OR5B2: variants seen among roughly 807,000 people sequenced by gnomAD.
OR5B2 encodes the protein olfactory receptor 5B2.
For missense variants in OR5B2, 411 were observed against 367.0 expected, an observed-to-expected ratio of 1.12 and a Z score of -0.98; for synonymous variants, 163 against 140.8, an observed-to-expected ratio of 1.16 and a Z score of -1.11.
intron 2 of OR5B2, among the ~76,000 whole-genome samples, chr11:58,424,977 T>A (rs372099935): frequency 1.3e-5 from 2 of 152,116 alleles, no homozygotes; most frequent in Non-Finnish European, 2.9e-5. Context: ...ATACAACTAG[T>A]ATGGAGAACA....
chr11:58,424,915 T>C (rs1446882619), intron 2 of OR5B2, among the ~76,000 whole-genome samples: 1 of 152,122 alleles, frequency 6.6e-6, no homozygotes, highest in Non-Finnish European at 1.5e-5. Context: ...TTATTACTAT[T>C]TTACCATTAT....
At position 58,423,188 on chromosome 11, in the gene OR5B2, A is replaced by G. The variant is rs778934194; in HGVS notation, c.74T>C (p.Leu25Pro). The change falls in exon 3 of 3, where the codon CTC becomes CCC. Residue 25 changes from leucine (L) to proline (P), a missense_variant. Coordinates refer to ENST00000641342, the MANE Select transcript of OR5B2 (RefSeq NM_001005566.3). Reference sequence around the variant, plus strand: ...GTAGATGAAGGTGAACAAGATAAAGAGGGGGATCTGTAGTTCTGGGACACT... The same window carrying G: ...GTAGATGAAGGTGAACAAGATAAAGGGGGGGATCTGTAGTTCTGGGACACT... Reference protein sequence around the residue: ...LTSVPELQIPLFILFTFIYLL... With the variant: ...LTSVPELQIPPFILFTFIYLL... 1.2e-6 allele frequency: 2 copies of G among 1,613,534 alleles called. No homozygotes were observed. Among genetic ancestry groups the G allele is most frequent in the Non-Finnish European group, 1.7e-6 (2 of 1,179,634 alleles).
intron 2 of OR5B2, among the ~76,000 whole-genome samples, chr11:58,426,353 AAT>A (rs748172278): frequency 2.3e-4 from 35 of 152,106 alleles, no homozygotes; most frequent in Non-Finnish European, 2.9e-5. Context: ...GATAGGCACC[AAT>A]GTCTGTTGCC....
At chr11:58,425,698 G>T (rs1855328887) in intron 2 of OR5B2, among the ~76,000 whole-genome samples, 2 of 152,068 alleles carry the variant, frequency 1.3e-5, no homozygotes, top group South Asian at 4.1e-4. Flanking sequence ...TGTTAGGAAT[G>T]ACCTTTAACA....
At position 58,422,102 on chromosome 11, in the gene OR5B2, G is replaced by T; in HGVS notation, c.*230C>A. ...AAACCGAATGTCATTAGTAAGTTTT[G>T]ACCAGCAAGTTCCAAAAATTCTAAC... On this transcript the variant is annotated 3_prime_UTR_variant, in exon 3 of 3. Transcript: ENST00000641342. 1 of 388,528 alleles carries T rather than the reference G, an allele frequency of 2.6e-6. No homozygotes were observed. Among genetic ancestry groups the T allele is most frequent in the East Asian group, 4.1e-5 (1 of 24,462 alleles). 24.1% of individuals were successfully genotyped at this position (388,528 alleles called of 1,614,324 possible). A position where few individuals can be genotyped will look rare whatever the true frequency, so the allele number is the denominator to read the frequency against.
chr11:58,425,003 T>A (rs534471878), intron 2 of OR5B2, among the ~76,000 whole-genome samples: 2 of 152,220 alleles, frequency 1.3e-5, no homozygotes, highest in African/African-American at 4.8e-5. Context: ...GATTCACAAT[T>A]GAAACCAAGT....
In OR5B2 at chr11:58,421,837, A is replaced by G. The variant is rs976150318; in HGVS notation, c.*495T>C. On this transcript the variant is annotated 3_prime_UTR_variant, in exon 3 of 3. Transcript: ENST00000641342. The stretch of plus-strand genomic sequence containing the variant: ...CCTCTCCATTTTGCTGTGAACATAA[A>G]ACTGTTCTTAAAGTCTATTCAAAAA... The G allele has an allele frequency of 7.2e-5, 11 of 152,678 alleles. No homozygotes were observed. The highest frequency in any genetic ancestry group is 2.7e-4 in the African/African-American group (11 of 41,446). The allele number at this position is 152,678 out of a possible 1,614,324, so 9.5% of individuals were successfully genotyped here.
chr11:58,423,350 T>C (rs1855303551), intron 2 of OR5B2, 61 bp from the exon 3 acceptor site: 1 of 732,130 alleles, frequency 1.4e-6, no homozygotes, highest in Non-Finnish European at 2.2e-6. Flanking sequence ...TAGAAATATA[T>C]AAATACTATA....
In OR5B2 at chr11:58,422,863, G is replaced by A; in HGVS notation, c.399C>T (p.Thr133=). ...AVCKPLHYTT[T]MTASVGACLA... ...GACAGGCACCTACACTGGCCGTCATGGTGGTGGTGTAGTGTAGGGGTTTGC... is the reference window on the plus strand; with the variant it reads ...GACAGGCACCTACACTGGCCGTCATAGTGGTGGTGTAGTGTAGGGGTTTGC... Residue 133 remains threonine, a synonymous_variant, in exon 3 of 3, where the codon ACC becomes ACT. Coordinates refer to ENST00000641342, the MANE Select transcript of OR5B2 (RefSeq NM_001005566.3). 1 of 1,613,788 alleles carries A rather than the reference G, an allele frequency of 6.2e-7. No individual in the cohort carries two copies. Among genetic ancestry groups the A allele is most frequent in the Non-Finnish European group, 8.5e-7 (1 of 1,179,840 alleles).
chr11:58,421,364 G>T lies in OR5B2; in HGVS notation c.*968C>A, dbSNP rs1040391969. On this transcript the variant is annotated 3_prime_UTR_variant, in exon 3 of 3. Transcript: ENST00000641342. The stretch of plus-strand genomic sequence containing the variant: ...AATATTCAGTGCTAAAATGAAATGA[G>T]CTATCAAGCCACGAAAAGTTATGGA... 1 of 152,072 alleles carries T rather than the reference G, an allele frequency of 6.6e-6. No individual in the cohort carries two copies. The highest frequency in any genetic ancestry group is 2.4e-5 in the African/African-American group (1 of 41,424). The allele number at this position is 152,072 out of a possible 1,614,324, so 9.4% of individuals were successfully genotyped here.
rs1001168008 is a variant in OR5B2, at chr11:58,422,191, A to G, written c.*141T>C. Reference sequence around the variant, plus strand: ...TGATAATATTTTATTTTTATTAAAAAATTGACTTCTAAAGAGGTAAGAATA... The same window carrying G: ...TGATAATATTTTATTTTTATTAAAAGATTGACTTCTAAAGAGGTAAGAATA... On this transcript the variant is annotated 3_prime_UTR_variant, in exon 3 of 3. Coordinates refer to ENST00000641342, the MANE Select transcript of OR5B2 (RefSeq NM_001005566.3). 3 of 500,460 alleles carry G rather than the reference A, an allele frequency of 6.0e-6. No individual in the cohort carries two copies. Among genetic ancestry groups the G allele is most frequent in the African/African-American group, 5.8e-5 (3 of 52,088 alleles). The allele number at this position is 500,460 out of a possible 1,614,324, so 31.0% of individuals were successfully genotyped here.
At chr11:58,426,990 G>A (rs1258530161) in intron 1 of OR5B2, among the ~76,000 whole-genome samples, 3 of 151,970 alleles carry the variant, frequency 2.0e-5, no homozygotes, top group Admixed American at 1.3e-4. Flanking sequence ...GTGAAATAAG[G>A]CCACTTAGTA....
chr11:58,427,234 G>T (rs1440612015), intron 1 of OR5B2, among the ~76,000 whole-genome samples: 1 of 152,072 alleles, frequency 6.6e-6, no homozygotes, highest in African/African-American at 2.4e-5. Flanking sequence ...TAATTAAACT[G>T]CATATGAAAG....
At chr11:58,423,437 A>G in intron 2 of OR5B2, 148 bp from the exon 3 acceptor site, 3 of 475,884 alleles carry the variant, frequency 6.3e-6, no homozygotes, top group Non-Finnish European at 1.1e-5. Flanking sequence ...AACAATCTTT[A>G]ATGCATTATC....
rs922961198 is a variant in OR5B2 at position 58,422,976 on chromosome 11, C to T, written c.286G>A (p.Ala96Thr). The T allele has an allele frequency of 2.5e-6, 4 of 1,613,850 alleles. No homozygotes were observed. The highest frequency in any genetic ancestry group is 3.4e-6 in the Non-Finnish European group (4 of 1,179,856). Residue 96 changes from alanine to threonine, a missense_variant, in exon 3 of 3, where the codon GCT becomes ACT. Ala to Thr is a moderately conservative substitution (Grantham distance 58, BLOSUM62 0). Transcript: ENST00000641342. Reference protein sequence around the residue: ...GDKVISYNACAVQMFFFVALA... With the variant: ...GDKVISYNACTVQMFFFVALA... Reference sequence around the variant, plus strand: ...GCTACAAAGAAGAACATCTGAACAGCACATGCATTGTAGGAGATGACCTTG... The same window carrying T: ...GCTACAAAGAAGAACATCTGAACAGTACATGCATTGTAGGAGATGACCTTG...
At position 58,423,100 on chromosome 11, in the gene OR5B2, G is replaced by A. The variant is rs533219397; in HGVS notation, c.162C>T (p.His54=). 1 of 1,613,754 alleles carries A rather than the reference G, an allele frequency of 6.2e-7. No homozygotes were observed. Among genetic ancestry groups the A allele is most frequent in the African/African-American group, 1.3e-5 (1 of 74,998 alleles). The part of the protein sequence containing the change: ...MLLILMDSCL[H]TPMYFFLSNL... Reference sequence around the variant, plus strand: ...TACTGAGGAAAAAGTACATGGGGGTGTGGAGACAAGAGTCCATCAGGATCA... The same window carrying A: ...TACTGAGGAAAAAGTACATGGGGGTATGGAGACAAGAGTCCATCAGGATCA... The change falls in exon 3 of 3, where the codon CAC becomes CAT. Residue 54 remains histidine, a synonymous_variant. Transcript: ENST00000641342.
chr11:58,424,078 T>C (rs536209755), intron 2 of OR5B2, among the ~76,000 whole-genome samples: 4 of 152,302 alleles, frequency 2.6e-5, no homozygotes, highest in African/African-American at 4.8e-5. Context: ...CTAGGCAGCA[T>C]TGGTCCCACA....
rs1855292701 is a variant in OR5B2 at position 58,422,786 on chromosome 11, C to T, written c.476G>A (p.Gly159Glu). ...ACAGAAAGAGAGACTGAATATGCCC[C>T]CAATGTGGAATGAGGCATTTAGGAA... ...CGFLNASFHI[G>E]GIFSLSFCKS... Residue 159 changes from glycine (G) to glutamate (E), a missense_variant, in exon 3 of 3, where the codon GGG (glycine) becomes GAG (glutamate). By Grantham distance (98) the Gly-to-Glu change is moderately conservative. Coordinates refer to ENST00000641342, the MANE Select transcript of OR5B2 (RefSeq NM_001005566.3). The T allele has an allele frequency of 1.2e-6, 2 of 1,613,770 alleles. No homozygotes were observed. The highest frequency in any genetic ancestry group is 1.7e-6 in the Non-Finnish European group (2 of 1,179,892).
At chr11:58,424,289 G>A (rs1307046298) in intron 2 of OR5B2, among the ~76,000 whole-genome samples, 1 of 152,120 alleles carries the variant, frequency 6.6e-6, no homozygotes, top group African/African-American at 2.4e-5. Flanking sequence ...TCATAAAGGA[G>A]GATGGCAGGG....
Sources: gnomAD v4.1 joint callset for allele counts (sites outside exome capture counted in the v4.1 genomes callset) on GRCh38, gnomAD v4.1.1 for gene constraint, MANE v1.5 for transcripts, NCBI Gene and HGNC (gene_info 2026-07-23, HGNC 2026-07-21) for gene names.